The following NMNAT2 variants were observed in gnomAD, a reference collection of about 807,000 sequenced individuals.
The protein encoded by NMNAT2 is nicotinamide/nicotinic acid mononucleotide adenylyltransferase 2.
NMNAT2 carries 11 observed loss-of-function variants against 41.6 expected under a neutral mutation model. The ratio of observed to expected loss-of-function variants is 0.26; its 90% CI spans 0.17 to 0.44. The LOEUF is 0.44. Ranked by LOEUF, NMNAT2 falls within the 20% of genes least tolerant of loss-of-function variation. The probability of loss-of-function intolerance (pLI) is 1.00; values close to 1 mark genes in which losing one functional copy is unlikely to be tolerated. For missense variants in NMNAT2, 288 were observed against 407.7 expected, an observed-to-expected ratio of 0.71 and a Z score of 2.53; for synonymous variants, 148 against 151.2, an observed-to-expected ratio of 0.98 and a Z score of 0.16.
At chr1:183,296,682 T>A (rs1661708622) in intron 1 of NMNAT2, among the ~76,000 whole-genome samples, 1 of 152,054 alleles carries the variant, frequency 6.6e-6, no homozygotes, top group Non-Finnish European at 1.5e-5. Context: ...CCAGCTAATT[T>A]TTTTATTTTT....
chr1:183,310,821 G>A (rs1010515751), intron 1 of NMNAT2, among the ~76,000 whole-genome samples: 11 of 150,904 alleles, frequency 7.3e-5, no homozygotes, highest in South Asian at 4.2e-4. Flanking sequence ...GCCAACACAG[G>A]TGGAAGAATT....
At chr1:183,264,686 A>G (rs1218756999) in intron 8 of NMNAT2, among the ~76,000 whole-genome samples, 4 of 152,164 alleles carry the variant, frequency 2.6e-5, no homozygotes, top group East Asian at 3.9e-4. Flanking sequence ...GCGTGTGTGC[A>G]TGTGTGTGTG....
chr1:183,356,282 G>T (rs187547220), intron 1 of NMNAT2, among the ~76,000 whole-genome samples: 2 of 152,138 alleles, frequency 1.3e-5, no homozygotes, highest in Non-Finnish European at 2.9e-5. Context: ...CAGACACCTC[G>T]TTCATAACCC....
intron 4 of NMNAT2, 22 bp from the exon 5 acceptor site, chr1:183,286,810 T>C (rs200067663): frequency 1.9e-6 from 3 of 1,599,318 alleles, no homozygotes; most frequent in East Asian, 2.3e-5. Context: ...GAGAAGAGTG[T>C]TATTAGTCAT....
At chr1:183,339,773 C>CA (rs34534121) in intron 1 of NMNAT2, among the ~76,000 whole-genome samples, 108,032 of 151,910 alleles carry the variant, frequency 0.71, 38,559 homozygotes, top group East Asian at 0.9. Context: ...ATCTGTACTC[C>CA]AAAATGAAGC....
chr1:183,389,547 C>A (rs1648376788), intron 1 of NMNAT2, among the ~76,000 whole-genome samples: 1 of 151,154 alleles, frequency 6.6e-6, no homozygotes, highest in South Asian at 2.1e-4. Context: ...ACAAAACAGG[C>A]AAAAGCACCT....
intron 5 of NMNAT2, among the ~76,000 whole-genome samples, chr1:183,286,009 A>G (rs929593205): frequency 6.6e-6 from 1 of 152,178 alleles, no homozygotes; most frequent in Non-Finnish European, 1.5e-5. Flanking sequence ...CCTCCCTAGA[A>G]GAGGCAGAGA....
At position 183,286,665 on chromosome 1, in the gene NMNAT2, C is replaced by T. The variant is rs776850598; in HGVS notation, c.445G>A (p.Ala149Thr). Residue 149 changes from alanine (A) to threonine (T), a missense_variant, in exon 5 of 11, where the codon GCA becomes ACA. By Grantham distance (58) the Ala-to-Thr change is moderately conservative. This residue lies in a region of NMNAT2 where 181 missense variants were observed against 213.7 expected (regional missense o/e 0.85). Coordinates refer to ENST00000287713, the MANE Select transcript of NMNAT2 (RefSeq NM_015039.4). ...QNSNVATKPT[A>T]AKILGKVGES... is the part of the protein sequence containing the mutation. ...TCACACATCAGTGTTCCCCTACCTGCAGTGGGCTTGGTGGCCACGTTGCTG... is the reference window on the plus strand; with the variant it reads ...TCACACATCAGTGTTCCCCTACCTGTAGTGGGCTTGGTGGCCACGTTGCTG... 1.9e-6 allele frequency: 3 copies of T among 1,607,508 alleles called. No individual in the cohort carries two copies. The Admixed American group carries it at 5.1e-5, about 27-fold the overall frequency.
intron 1 of NMNAT2, among the ~76,000 whole-genome samples, chr1:183,304,035 T>C (rs538474046): frequency 6.6e-6 from 1 of 152,334 alleles, no homozygotes; most frequent in South Asian, 2.1e-4. Context: ...ATACCCTTTA[T>C]TCCAATGCAC....
At chr1:183,307,358 G>C (rs1336503395) in intron 1 of NMNAT2, among the ~76,000 whole-genome samples, 1 of 150,882 alleles carries the variant, frequency 6.6e-6, no homozygotes, top group Non-Finnish European at 1.5e-5. Context: ...TCAGGCTGGA[G>C]TGCAATGGTG....
chr1:183,364,957 T>TC (rs1031675266), intron 1 of NMNAT2, among the ~76,000 whole-genome samples: 1 of 152,032 alleles, frequency 6.6e-6, no homozygotes, highest in Non-Finnish European at 1.5e-5. Flanking sequence ...ATCTCCCATG[T>TC]CCCCCAGAAT....
At chr1:183,334,351 G>A (rs1177572480) in intron 1 of NMNAT2, among the ~76,000 whole-genome samples, 2 of 151,964 alleles carry the variant, frequency 1.3e-5, no homozygotes, top group African/African-American at 4.8e-5. Context: ...ACAGGCGTGA[G>A]CCACCATACC....
intron 1 of NMNAT2, among the ~76,000 whole-genome samples, chr1:183,402,313 C>G (rs1648834436): frequency 6.6e-6 from 1 of 152,208 alleles, no homozygotes; most frequent in East Asian, 1.9e-4. Context: ...GACCCTATGA[C>G]TGTTACATCT....
intron 8 of NMNAT2, among the ~76,000 whole-genome samples, chr1:183,262,312 A>G (rs1247570268): frequency 6.6e-6 from 1 of 152,096 alleles, no homozygotes. Context: ...ATCCAGAAAA[A>G]AAAAAAAAAG....
In NMNAT2 at chr1:183,293,759, C is replaced by A. The variant is rs1433461849; in HGVS notation, c.120G>T (p.Arg40Ser). The A allele has an allele frequency of 6.2e-7, 1 of 1,614,062 alleles. No individual in the cohort carries two copies. Among genetic ancestry groups the A allele is most frequent in the Non-Finnish European group, 8.5e-7 (1 of 1,179,960 alleles). Residue 40 changes from arginine to serine, a missense_variant, in exon 2 of 11, where the codon AGG (arginine) becomes AGT (serine). By Grantham distance (110) the Arg-to-Ser change is moderately radical. Around this residue, in one of 3 missense-constraint regions of NMNAT2, gnomAD observed 100 missense variants for 168.5 expected, o/e 0.59. Transcript: ENST00000287713. ...RARDYLHKTG[R>S]FIVIGGIVSP... ...AGACAATCCCGCCAATCACAATAAACCTTCCAGTTTTGTGCAGATAATCCC... is the reference window on the plus strand; with the variant it reads ...AGACAATCCCGCCAATCACAATAAAACTTCCAGTTTTGTGCAGATAATCCC...
intron 1 of NMNAT2, among the ~76,000 whole-genome samples, chr1:183,370,429 A>C (rs1003340098): frequency 6.6e-6 from 1 of 152,194 alleles, no homozygotes; most frequent in Non-Finnish European, 1.5e-5. Context: ...TATGCTGAGA[A>C]TAAGGGTTAA....
At chr1:183,285,514 A>C (rs186488406) in intron 5 of NMNAT2, among the ~76,000 whole-genome samples, 6 of 152,134 alleles carry the variant, frequency 3.9e-5, no homozygotes, top group Non-Finnish European at 8.8e-5. Context: ...AGCCCCCCAC[A>C]TGTAGCTGTA....
intron 1 of NMNAT2, among the ~76,000 whole-genome samples, chr1:183,394,879 G>A (rs1401686029): frequency 6.6e-6 from 1 of 152,174 alleles, no homozygotes; most frequent in Non-Finnish European, 1.5e-5. Context: ...TTGGCAGGAG[G>A]CAGCTCCTCT....
rs921803655 is a variant in NMNAT2, at chr1:183,345,114, CTCT to C, written c.86-51324_86-51322del. Reference sequence around the variant, plus strand: ...AATGACACCGCTAATATACAATCTTCTCTTCTCCTCCCCCACCCCACCTTGTCT... The same window carrying C: ...AATGACACCGCTAATATACAATCTTCTCTCCTCCCCCACCCCACCTTGTCT... On this transcript the variant is annotated intron_variant, in intron 1 of 10. Transcript: ENST00000287713. Among the ~76,000 whole-genome samples the C allele has an allele frequency of 2.3e-4, 25 of 106,872 alleles. 2 individuals are homozygous for C. Among genetic ancestry groups the C allele is most frequent in the Non-Finnish European group, 2.2e-5 (1 of 44,930 alleles). 70.1% of individuals were successfully genotyped at this position (106,872 alleles called of 152,430 possible).
Sources: gnomAD v4.1 joint callset for allele counts (sites outside exome capture counted in the v4.1 genomes callset) on GRCh38, gnomAD v4.1.1 for gene constraint, gnomAD v4.1.1 regional missense constraint, MANE v1.5 for transcripts, NCBI Gene and HGNC (gene_info 2026-07-23, HGNC 2026-07-21) for gene names.